Variants in PLCL2 observed in about 807,000 individuals in gnomAD.
PLCL2 encodes the protein inactive phospholipase C-like protein 2.
In PLCL2, 4 loss-of-function variants were observed where a neutral mutation model predicts 79.6. That is an observed-to-expected ratio of 0.05 (90% CI 0.02 to 0.11). PLCL2 has a LOEUF of 0.11. Ranked by LOEUF, PLCL2 falls within the 10% of genes least tolerant of loss-of-function variation. PLCL2 has a pLI of 1.00. For synonymous variants in PLCL2, 484 were observed against 457.7 expected (o/e 1.06, Z -0.73); for missense variants, 895 against 1,291.0 (o/e 0.69, Z 4.70).
chr3:16,972,972 T>C (rs1456822680), intron 1 of PLCL2, among the ~76,000 whole-genome samples: 2 of 152,156 alleles, frequency 1.3e-5, no homozygotes, highest in Non-Finnish European at 2.9e-5. Flanking sequence ...GGGACACTTA[T>C]CCCATTTACA....
At chr3:16,888,831 A>AT (rs1696281438) in intron 1 of PLCL2, among the ~76,000 whole-genome samples, 3 of 152,354 alleles carry the variant, frequency 2.0e-5, no homozygotes, top group Non-Finnish European at 4.4e-5. Context: ...TTTAGTCAGA[A>AT]CTAGTTAAAT....
intron 5 of PLCL2, among the ~76,000 whole-genome samples, chr3:17,086,977 C>G (rs981844556): frequency 6.6e-6 from 1 of 152,160 alleles, no homozygotes; most frequent in Non-Finnish European, 1.5e-5. Flanking sequence ...TTACAGTAGC[C>G]AAAATACAAA....
At chr3:16,966,847 G>A (rs1559501622) in intron 1 of PLCL2, among the ~76,000 whole-genome samples, 2 of 152,004 alleles carry the variant, frequency 1.3e-5, no homozygotes. Context: ...ACGGGAGTTT[G>A]ATGTGCAAAT....
At chr3:16,981,015 A>G (rs1004611119) in intron 1 of PLCL2, among the ~76,000 whole-genome samples, 1 of 152,250 alleles carries the variant, frequency 6.6e-6, no homozygotes, top group Admixed American at 6.5e-5. Context: ...GCGCGCCTGC[A>G]ATCGCAGGCA....
intron 1 of PLCL2, among the ~76,000 whole-genome samples, chr3:16,909,701 G>A (rs1696830793): frequency 6.6e-6 from 1 of 151,998 alleles, no homozygotes; most frequent in South Asian, 2.1e-4. Flanking sequence ...TATTTCTCTG[G>A]AGTCCTATTT....
At chr3:16,970,204 C>T (rs1314486492) in intron 1 of PLCL2, among the ~76,000 whole-genome samples, 1 of 151,876 alleles carries the variant, frequency 6.6e-6, no homozygotes, top group Non-Finnish European at 1.5e-5. Context: ...AATGCTATCT[C>T]TCCCCCCTCC....
intron 1 of PLCL2, among the ~76,000 whole-genome samples, chr3:16,965,611 C>A (rs1388659639): frequency 6.6e-6 from 1 of 152,004 alleles, no homozygotes; most frequent in Non-Finnish European, 1.5e-5. Context: ...TTACCTTGGG[C>A]AGTATGGCCA....
intron 1 of PLCL2, among the ~76,000 whole-genome samples, chr3:16,966,721 T>A (rs1201334420): frequency 1.3e-5 from 2 of 152,042 alleles, no homozygotes; most frequent in Non-Finnish European, 2.9e-5. Context: ...TTCAGAGATT[T>A]AACTTCTTCC....
chr3:17,045,087 A>G (rs60026364), intron 4 of PLCL2, among the ~76,000 whole-genome samples: 4,334 of 152,182 alleles, frequency 0.028, 226 homozygotes, highest in African/African-American at 0.1. Context: ...TTTGTTTCTC[A>G]TGTTTACAAT....
intron 1 of PLCL2, among the ~76,000 whole-genome samples, chr3:16,925,214 C>T (rs1410930209): frequency 9.7e-5 from 14 of 143,968 alleles, no homozygotes; most frequent in African/African-American, 1.8e-4. Flanking sequence ...TGAGCCACCG[C>T]GCCCGGCCAG....
chr3:17,060,409 C>T (rs1162530902), intron 4 of PLCL2, among the ~76,000 whole-genome samples: 2 of 152,074 alleles, frequency 1.3e-5, no homozygotes, highest in East Asian at 3.9e-4. Context: ...AATAATTTGG[C>T]TTTTGTTAAT....
chr3:17,073,218 A>G (rs1052662780), intron 5 of PLCL2, among the ~76,000 whole-genome samples: 5 of 152,174 alleles, frequency 3.3e-5, no homozygotes, highest in African/African-American at 1.2e-4. Flanking sequence ...TCAGTTCCAG[A>G]CCATGGCAAT....
chr3:17,023,527 T>C (rs1695575561), intron 3 of PLCL2, among the ~76,000 whole-genome samples: 1 of 152,172 alleles, frequency 6.6e-6, no homozygotes, highest in African/African-American at 2.4e-5. Context: ...TCCACTTTGC[T>C]TCTTTCTTAT....
Position 17,010,378 on chromosome 3 carries a change from T to G in PLCL2, c.1032T>G (p.Ile344Met). Reference protein sequence around the residue: ...VFHELCTRPEIYFLLVQFSSN... With the variant: ...VFHELCTRPEMYFLLVQFSSN... ...ATGAGCTTTGTACTAGACCTGAAAT[T>G]TATTTCCTTTTAGTTCAGTTTTCAA... Residue 344 changes from isoleucine to methionine, a missense_variant, in exon 2 of 6, where the codon ATT becomes ATG. Physicochemically the swap from Ile to Met is conservative, Grantham distance 10 (BLOSUM62 1). Around this residue, in one of 6 missense-constraint regions of PLCL2, gnomAD observed 93 missense variants for 93.2 expected, o/e 1.00. Coordinates refer to ENST00000615277, the MANE Select transcript of PLCL2 (RefSeq NM_001144382.2). This position sits in a 1 kb window ranked among gnomAD's most constrained non-coding sequence, Gnocchi z 5.8. 1 of 1,613,934 alleles carries G rather than the reference T, an allele frequency of 6.2e-7. No homozygotes were observed. The highest frequency in any genetic ancestry group is 2.2e-5 in the East Asian group (1 of 44,856).
intron 1 of PLCL2, among the ~76,000 whole-genome samples, chr3:16,888,901 T>C (rs1696282981): frequency 6.6e-6 from 1 of 152,222 alleles, no homozygotes; most frequent in African/African-American, 2.4e-5. Flanking sequence ...TTCACACTGG[T>C]TTGTGTCGAG....
intron 1 of PLCL2, among the ~76,000 whole-genome samples, chr3:16,919,588 T>C (rs1443560719): frequency 2.6e-5 from 4 of 152,190 alleles, no homozygotes; most frequent in Non-Finnish European, 5.9e-5. Context: ...TCTTTGGGTT[T>C]ATTCTTTTTG....
chr3:17,077,133 T>C lies in PLCL2; in HGVS notation c.3204+9068T>C, dbSNP rs114197990. Among the ~76,000 whole-genome samples the C allele has an allele frequency of 4.0e-3, 616 of 152,348 alleles. 2 individuals are homozygous for C. The highest frequency in any genetic ancestry group is 0.015 in the African/African-American group (605 of 41,584). ...CTGTTTGAGTTCCCCTTTCCTGCAC[T>C]GCATCTGGAAACTGCAAGCAGTAAG... On this transcript the variant is annotated intron_variant, in intron 5 of 5. Coordinates refer to ENST00000615277, the MANE Select transcript of PLCL2 (RefSeq NM_001144382.2).
chr3:16,918,479 G>C (rs574908848), intron 1 of PLCL2, among the ~76,000 whole-genome samples: 360 of 152,084 alleles, frequency 2.4e-3, no homozygotes, highest in African/African-American at 8.2e-3. Context: ...GGTGAGTCTG[G>C]GAACCAAATA....
intron 4 of PLCL2, among the ~76,000 whole-genome samples, chr3:17,052,605 G>C (rs889560512): frequency 6.6e-6 from 1 of 152,140 alleles, no homozygotes; most frequent in Non-Finnish European, 1.5e-5. Context: ...GCAATGCATT[G>C]CTGTAAAGTT....
Sources: allele counts gnomAD v4.1 joint callset (sites outside exome capture counted in the v4.1 genomes callset), GRCh38; gene constraint gnomAD v4.1.1; regional missense constraint gnomAD v4.1.1; non-coding constraint Gnocchi (gnomAD v3.1); transcripts MANE v1.5; gene names NCBI Gene and HGNC (gene_info 2026-07-23, HGNC 2026-07-21).